OTOP1: variants seen among roughly 807,000 people sequenced by gnomAD.
OTOP1 encodes the protein proton channel OTOP1.
OTOP1 carries 59 observed loss-of-function variants against 52.9 expected under a neutral mutation model. The observed-to-expected ratio is 1.12, with a 90% CI of 0.91 to 1.39. The LOEUF (loss-of-function observed/expected upper bound fraction) is 1.39. OTOP1 is among the 40% of genes most tolerant of loss of function. The pLI is 0.00. For synonymous variants in OTOP1, 317 were observed against 337.7 expected, an observed-to-expected ratio of 0.94 and a Z score of 0.67; for missense variants, 761 against 800.9, an observed-to-expected ratio of 0.95 and a Z score of 0.60.
chr4:4,190,298 C>A (rs1280909980), intron 5 of OTOP1, among the ~76,000 whole-genome samples: 6 of 152,238 alleles, frequency 3.9e-5, no homozygotes, highest in Middle Eastern at 3.4e-3. Flanking sequence ...CATGGTGAAA[C>A]CCCATCTCTA....
Position 4,197,306 on chromosome 4 carries a change from C to A in OTOP1, c.1528G>T (p.Asp510Tyr). Residue 510 changes from aspartate (D) to tyrosine (Y), a missense_variant, in exon 5 of 6, where the codon GAC (aspartate) becomes TAC (tyrosine). Coordinates refer to ENST00000296358, the MANE Select transcript of OTOP1 (RefSeq NM_177998.3). ...TCCTCCTGCTTCTCCTCCTCCTTGTCATGGCTTTCTCTCATGCACACATTT... is the reference window on the plus strand; with the variant it reads ...TCCTCCTGCTTCTCCTCCTCCTTGTAATGGCTTTCTCTCATGCACACATTT... ...NGNVCMRESH[D>Y]KEEEKQEESS... The A allele has an allele frequency of 6.2e-7, 1 of 1,614,130 alleles. No individual in the cohort carries two copies.
intron 5 of OTOP1, among the ~76,000 whole-genome samples, chr4:4,192,081 C>T (rs746092570): frequency 7.9e-5 from 12 of 152,220 alleles, no homozygotes; most frequent in Non-Finnish European, 1.8e-4. Context: ...TAGATGGACT[C>T]TGTGACTACA....
Position 4,196,141 on chromosome 4 carries a change from C to T in OTOP1, c.1668+1025G>A, listed in dbSNP as rs537522884. 3.4e-4 allele frequency among the ~76,000 whole-genome samples: 51 copies of T among 152,218 alleles called. 1 individual carries two copies. The South Asian group carries it at 3.7e-3, about 11-fold the overall frequency. On this transcript the variant is annotated intron_variant, in intron 5 of 5. Transcript: ENST00000296358. ...CTGGATAAAGAAAATGTATTATGGACGGTACAGTGGTTCACATCTGTAATC... is the reference window on the plus strand; with the variant it reads ...CTGGATAAAGAAAATGTATTATGGATGGTACAGTGGTTCACATCTGTAATC...
chr4:4,202,528 C>T lies in OTOP1; in HGVS notation c.650G>A (p.Gly217Asp). 1 of 1,614,080 alleles carries T rather than the reference C, an allele frequency of 6.2e-7. No individual in the cohort carries two copies. The highest frequency in any genetic ancestry group is 8.5e-7 in the Non-Finnish European group (1 of 1,179,988). The change falls in exon 4 of 6, where the codon GGC (glycine) becomes GAC (aspartate). Residue 217 changes from glycine (G) to aspartate (D), a missense_variant. Physicochemically the swap from Gly to Asp is moderately conservative, Grantham distance 94 (BLOSUM62 -1). Coordinates refer to ENST00000296358, the MANE Select transcript of OTOP1 (RefSeq NM_177998.3). The stretch of plus-strand genomic sequence containing the variant: ...TTGGTGCTTTGACTCATTGAGGACG[C>T]CATTGGCCCACAGAAGCAGGTTGGT... ...VFTNLLLWAN[G>D]VLNESKHQLN... is the part of the protein sequence containing the mutation.
At chr4:4,213,487 T>C (rs1194193421) in intron 1 of OTOP1, among the ~76,000 whole-genome samples, 1 of 152,200 alleles carries the variant, frequency 6.6e-6, no homozygotes, top group Admixed American at 6.6e-5. Flanking sequence ...TAGCAAATTA[T>C]ATATCTAATA....
rs1270144521 is a variant in OTOP1 at position 4,213,104 on chromosome 4, T to C, written c.404-100A>G. ...TTATATTGTGTATTAAACCCTTATG[T>C]ATATGGTCAAATGATTTTTCACAAG... On this transcript the variant is annotated intron_variant, in intron 1 of 5. Transcript: ENST00000296358. 2.1e-6 allele frequency: 3 copies of C among 1,399,212 alleles called. No individual in the cohort carries two copies. In the Admixed American group the frequency reaches 6.1e-5, roughly 28 times the overall value. 86.7% of individuals were successfully genotyped at this position (1,399,212 alleles called of 1,614,324 possible).
chr4:4,220,133 A>C (rs1717269060), intron 1 of OTOP1, among the ~76,000 whole-genome samples: 1 of 120,178 alleles, frequency 8.3e-6, no homozygotes, highest in South Asian at 2.5e-4. Flanking sequence ...ATGGAGTTTC[A>C]CTCTTGTCGG....
rs1285041116 is a variant in OTOP1 at position 4,219,913 on chromosome 4, GTA to G, written c.403+6547_403+6548del. 1.0e-4 allele frequency among the ~76,000 whole-genome samples: 14 copies of G among 138,744 alleles called. 1 individual carries two copies. The highest frequency in any genetic ancestry group is 2.0e-4 in the East Asian group (1 of 4,916). The allele number at this position is 138,744 out of a possible 152,430, so 91.0% of individuals were successfully genotyped here. A position where few individuals can be genotyped will look rare whatever the true frequency, so the allele number is the denominator to read the frequency against. ...CATATATGTATACACATATATGTGT[GTA>G]TATACGTATACATGTATACATATAT... On this transcript the variant is annotated intron_variant, in intron 1 of 5. Coordinates refer to ENST00000296358, the MANE Select transcript of OTOP1 (RefSeq NM_177998.3).
At position 4,197,821 on chromosome 4, in the gene OTOP1, C is replaced by A. The variant is rs201893878; in HGVS notation, c.1013G>T (p.Arg338Leu). Residue 338 changes from arginine (R) to leucine (L), a missense_variant, in exon 5 of 6, where the codon CGC becomes CTC. Around this residue, in one of 3 missense-constraint regions of OTOP1, gnomAD observed 632 missense variants for 619.5 expected, o/e 1.02. Coordinates refer to ENST00000296358, the MANE Select transcript of OTOP1 (RefSeq NM_177998.3). ...VVVVYLIHIG[R>L]SKTKSESALI... ...TGCCGACTCGCTCTTGGTCTTGGAGCGCCCAATATGAATCAGGTATACCAC... is the reference window on the plus strand; with the variant it reads ...TGCCGACTCGCTCTTGGTCTTGGAGAGCCCAATATGAATCAGGTATACCAC... 2 of 1,614,000 alleles carry A rather than the reference C, an allele frequency of 1.2e-6. No individual in the cohort carries two copies. The highest frequency in any genetic ancestry group is 1.1e-5 in the South Asian group (1 of 91,046).
rs142009790 is a variant in OTOP1, at chr4:4,211,938, A to T, written c.540+930T>A. On this transcript the variant is annotated intron_variant, in intron 2 of 5. Coordinates refer to ENST00000296358, the MANE Select transcript of OTOP1 (RefSeq NM_177998.3). ...ACTATAGTTAATAATATTGTATTGT[A>T]TACTGGAAATCTGCTAAGAGAATGG... 2.8e-4 allele frequency among the ~76,000 whole-genome samples: 42 copies of T among 152,318 alleles called. No individual in the cohort carries two copies. The East Asian group carries it at 7.7e-3, about 28-fold the overall frequency.
chr4:4,211,742 A>G (rs1717031406), intron 2 of OTOP1, among the ~76,000 whole-genome samples: 1 of 152,202 alleles, frequency 6.6e-6, no homozygotes, highest in Non-Finnish European at 1.5e-5. Flanking sequence ...ACCCTGGGCA[A>G]CAGAGCAAGA....
chr4:4,213,847 TGGGA>T (rs927836554), intron 1 of OTOP1, among the ~76,000 whole-genome samples: 24 of 152,288 alleles, frequency 1.6e-4, no homozygotes, highest in African/African-American at 5.8e-4. Context: ...CCCAGCACTT[TGGGA>T]GGCCGAGGAG....
intron 1 of OTOP1, among the ~76,000 whole-genome samples, chr4:4,213,818 A>T (rs1467124197): frequency 2.6e-5 from 4 of 152,196 alleles, no homozygotes; most frequent in Admixed American, 2.0e-4. Context: ...GGTTGGGCAC[A>T]GTGGCTCATA....
chr4:4,201,975 A>G (rs956597532), intron 4 of OTOP1, among the ~76,000 whole-genome samples: 6 of 152,254 alleles, frequency 3.9e-5, no homozygotes, highest in African/African-American at 1.4e-4. Flanking sequence ...AGCTAGAATT[A>G]TAAGCCAATA....
intron 1 of OTOP1, among the ~76,000 whole-genome samples, chr4:4,224,025 G>T (rs563389174): frequency 1.1e-4 from 16 of 150,436 alleles, no homozygotes; most frequent in African/African-American, 3.9e-4. Flanking sequence ...GATGAAGGAG[G>T]AGAAGAGAGA....
At position 4,211,702 on chromosome 4, in the gene OTOP1, C is replaced by T. The variant is rs561331390; in HGVS notation, c.540+1166G>A. Among the ~76,000 whole-genome samples, 24 of 152,210 alleles carry T rather than the reference C, an allele frequency of 1.6e-4. No homozygotes were observed. The South Asian group carries it at 4.8e-3, about 30-fold the overall frequency. ...ATCACTTGAGCTGAATTCAAGGCTG[C>T]AGTGATCTGTGATGGCACCACTGCA... On this transcript the variant is annotated intron_variant, in intron 2 of 5. Coordinates refer to ENST00000296358, the MANE Select transcript of OTOP1 (RefSeq NM_177998.3).
chr4:4,199,221 T>TGTGTGTGG (rs2108798035), intron 4 of OTOP1, among the ~76,000 whole-genome samples: 1 of 50,070 alleles, frequency 2.0e-5, no homozygotes, highest in African/African-American at 9.7e-5. Context: ...CAGGTAAAAT[T>TGTGTGTGG]GTGTGTGTGT....
At chr4:4,208,969 C>T (rs913604866) in intron 2 of OTOP1, among the ~76,000 whole-genome samples, 1 of 152,118 alleles carries the variant, frequency 6.6e-6, no homozygotes, top group African/African-American at 2.4e-5. Context: ...AAGAGTTCAT[C>T]GTTTCTAGAG....
chr4:4,215,154 GCGAAGGT>G (rs1430795551), intron 1 of OTOP1, among the ~76,000 whole-genome samples: 3 of 152,114 alleles, frequency 2.0e-5, no homozygotes, highest in African/African-American at 7.2e-5. Context: ...CTGTTGAGCT[GCGAAGGT>G]AAAACTAGAA....
Sources: gnomAD v4.1 joint callset for allele counts (sites outside exome capture counted in the v4.1 genomes callset) on GRCh38, gnomAD v4.1.1 for gene constraint, gnomAD v4.1.1 regional missense constraint, MANE v1.5 for transcripts, NCBI Gene and HGNC (gene_info 2026-07-23, HGNC 2026-07-21) for gene names.